ANO1: variants seen among roughly 807,000 people sequenced by gnomAD.
ANO1 encodes anoctamin 1, also known as anoctamin-1.
Under a neutral mutation model 124.0 loss-of-function variants are expected in ANO1, and 59 were observed. The ratio of observed to expected loss-of-function variants is 0.48; its 90% CI spans 0.39 to 0.59. The LOEUF (loss-of-function observed/expected upper bound fraction) is 0.59. Ranked by LOEUF, ANO1 falls within the 20% of genes least tolerant of loss-of-function variation. ANO1 has a pLI of 0.00. For missense variants in ANO1, 1,059 were observed against 1,328.0 expected, an observed-to-expected ratio of 0.80 and a Z score of 3.15; for synonymous variants, 529 against 532.0, an observed-to-expected ratio of 0.99 and a Z score of 0.08.
At chr11:70,092,947 G>T (rs955126095) in intron 2 of ANO1, among the ~76,000 whole-genome samples, 1 of 152,140 alleles carries the variant, frequency 6.6e-6, no homozygotes, top group Admixed American at 6.5e-5. Flanking sequence ...GCAGGAAAGG[G>T]CAGGAAAAGA....
At chr11:70,145,160 C>T (rs2047316351) in intron 11 of ANO1, among the ~76,000 whole-genome samples, 1 of 152,120 alleles carries the variant, frequency 6.6e-6, no homozygotes, top group South Asian at 2.1e-4. Context: ...TCGCTCACTC[C>T]ACTAGAAGGT....
At chr11:70,024,114 G>A (rs1856851602) in intron 1 of ANO1, among the ~76,000 whole-genome samples, 2 of 152,344 alleles carry the variant, frequency 1.3e-5, no homozygotes, top group Admixed American at 1.3e-4. Flanking sequence ...TTAGTGTCCA[G>A]ATGGCAGGCA....
intron 1 of ANO1, among the ~76,000 whole-genome samples, chr11:70,046,814 C>G (rs1037021201): frequency 1.3e-5 from 2 of 151,716 alleles, no homozygotes; most frequent in Non-Finnish European, 2.9e-5. Flanking sequence ...TGGTTCACAC[C>G]CATAATCCCA....
At chr11:69,971,402 C>T in the ANO1 span, among the ~76,000 whole-genome samples, 17 of 152,094 alleles carry the variant, frequency 1.1e-4, no homozygotes, top group Non-Finnish European at 1.8e-4. Flanking sequence ...GTGCCTGGCA[C>T]GTGGTCTGTG....
intron 6 of ANO1, among the ~76,000 whole-genome samples, chr11:70,110,894 G>A (rs559619483): frequency 6.6e-6 from 1 of 152,352 alleles, no homozygotes; most frequent in East Asian, 1.9e-4. Flanking sequence ...TCCTGGGGCT[G>A]GGCGCCCGCA....
chr11:70,072,212 G>A (rs1299317710), intron 1 of ANO1, among the ~76,000 whole-genome samples: 1 of 152,112 alleles, frequency 6.6e-6, no homozygotes, highest in Non-Finnish European at 1.5e-5. Flanking sequence ...CCTGGCTCAT[G>A]TTCCCATTCA....
At chr11:69,968,209 T>G in the ANO1 span, among the ~76,000 whole-genome samples, 1 of 152,080 alleles carries the variant, frequency 6.6e-6, no homozygotes, top group Non-Finnish European at 1.5e-5. Flanking sequence ...TCTCCTGTAG[T>G]ACAAAGCAGG....
intron 1 of ANO1, among the ~76,000 whole-genome samples, chr11:70,084,075 G>T (rs2044282500): frequency 1.3e-5 from 2 of 152,264 alleles, no homozygotes; most frequent in Non-Finnish European, 2.9e-5. Context: ...GCCTGGGGGA[G>T]GGGGAGAGGA....
At chr11:70,039,972 G>A (rs1239672562) in intron 1 of ANO1, among the ~76,000 whole-genome samples, 1 of 152,142 alleles carries the variant, frequency 6.6e-6, no homozygotes, top group African/African-American at 2.4e-5. Context: ...CCCAGAAGGA[G>A]TAGCAGAGCA....
intron 1 of ANO1, among the ~76,000 whole-genome samples, chr11:70,024,604 G>A (rs1012146811): frequency 6.6e-5 from 10 of 152,186 alleles, no homozygotes; most frequent in Non-Finnish European, 7.3e-5. Context: ...CTGGGAAGCT[G>A]GAGTTTGTGG....
At chr11:70,013,997 C>T (rs1024324824) in intron 1 of ANO1, among the ~76,000 whole-genome samples, 1 of 115,330 alleles carries the variant, frequency 8.7e-6, no homozygotes, top group African/African-American at 3.2e-5. Flanking sequence ...TCTCTGTGCA[C>T]GGACAGAGAG....
At chr11:70,147,957 G>A (rs537860721) in intron 11 of ANO1, among the ~76,000 whole-genome samples, 1 of 152,170 alleles carries the variant, frequency 6.6e-6, no homozygotes, top group Non-Finnish European at 1.5e-5. Flanking sequence ...GAAAAGACCT[G>A]GGGTCGGCGG....
At chr11:70,156,047 A>G in intron 15 of ANO1, 59 bp downstream of exon 15, 1 of 1,399,462 alleles carries the variant, frequency 7.1e-7, no homozygotes. Flanking sequence ...ATCAAAGTCG[A>G]TTGTGTTTTT....
At chr11:70,147,005 A>G (rs944707584) in intron 11 of ANO1, among the ~76,000 whole-genome samples, 1 of 152,220 alleles carries the variant, frequency 6.6e-6, no homozygotes, top group African/African-American at 2.4e-5. Flanking sequence ...ACACCTTCAC[A>G]GACACACCCA....
chr11:70,081,164 A>G (rs1231736081), intron 1 of ANO1, among the ~76,000 whole-genome samples: 1 of 152,188 alleles, frequency 6.6e-6, no homozygotes, highest in Non-Finnish European at 1.5e-5. Context: ...AAATGACTTC[A>G]TTGTTTCTGT....
chr11:70,177,594 CTTTTTT>C (rs57647858), intron 22 of ANO1, among the ~76,000 whole-genome samples: 4 of 78,930 alleles, frequency 5.1e-5, no homozygotes, highest in Non-Finnish European at 6.7e-5. Flanking sequence ...TTTTTTTTTT[CTTTTTT>C]TTTTTTTTTT....
intron 1 of ANO1, chr11:70,065,115 T>G (rs1471467613): frequency 2.6e-5 from 4 of 152,222 alleles, no homozygotes; most frequent in Non-Finnish European, 5.9e-5. Flanking sequence ...AGGGAGCTTT[T>G]TAAGACGGCT....
chr11:70,107,113 A>G (rs1317669094), intron 5 of ANO1, among the ~76,000 whole-genome samples: 2 of 152,188 alleles, frequency 1.3e-5, no homozygotes, highest in Non-Finnish European at 2.9e-5. Context: ...CAGGAGAATC[A>G]GCAAGGTCAG....
intron 1 of ANO1, among the ~76,000 whole-genome samples, chr11:70,056,830 CTTTTTT>C (rs200523204): frequency 2.8e-5 from 4 of 140,366 alleles, no homozygotes; most frequent in Admixed American, 7.0e-5. Context: ...TGTTTTACAT[CTTTTTT>C]TTTTTTTTTT....
Sources: gnomAD v4.1 joint callset for allele counts (sites outside exome capture counted in the v4.1 genomes callset) on GRCh38, gnomAD v4.1.1 for gene constraint, MANE v1.5 for transcripts, NCBI Gene and HGNC (gene_info 2026-07-23, HGNC 2026-07-21) for gene names.